Variants in PDE8A observed in about 807,000 individuals in gnomAD.
PDE8A encodes the protein high affinity cAMP-specific and IBMX-insensitive 3',5'-cyclic phosphodiesterase 8A.
In PDE8A, 59 loss-of-function variants were observed where a neutral mutation model predicts 105.0. The ratio of observed to expected loss-of-function variants is 0.56; its 90% CI spans 0.46 to 0.70. The LOEUF is 0.70. Among genes scored for constraint, PDE8A ranks in the 30% least tolerant of loss-of-function variants. The pLI is 0.00. For synonymous variants in PDE8A, 355 were observed against 371.9 expected (o/e 0.95, Z 0.52); for missense variants, 1,014 against 1,045.9 (o/e 0.97, Z 0.42).
intron 1 of PDE8A, among the ~76,000 whole-genome samples, chr15:85,008,135 G>A (rs1458640376): frequency 6.6e-6 from 1 of 151,940 alleles, no homozygotes; most frequent in Non-Finnish European, 1.5e-5. Context: ...GAGTGACAGT[G>A]GGAGAGTCAG....
chr15:85,126,122 A>G (rs1420090712), intron 19 of PDE8A, 85 bp from the exon 20 acceptor site: 4 of 901,866 alleles, frequency 4.4e-6, no homozygotes, highest in Non-Finnish European at 6.7e-6. Context: ...TGCTCTTTTT[A>G]TGCTTACAGT....
At position 85,077,024 on chromosome 15, in the gene PDE8A, T is replaced by TA. The variant is rs201067101; in HGVS notation, c.546+247dup. ...AAGGAGAACCTGCCTCAATCGTACT[T>TA]AAAAAAAAAATTACTGTCCTTGTTT... On this transcript the variant is annotated intron_variant, in intron 5 of 21. Coordinates refer to ENST00000394553, the MANE Select transcript of PDE8A (RefSeq NM_002605.3). 3.8e-3 allele frequency among the ~76,000 whole-genome samples: 572 copies of TA among 150,176 alleles called. 2 individuals are homozygous for TA. Among genetic ancestry groups the TA allele is most frequent in the Non-Finnish European group, 4.4e-3 (295 of 67,328 alleles).
At chr15:85,021,190 C>T (rs2080420482) in intron 1 of PDE8A, among the ~76,000 whole-genome samples, 1 of 152,144 alleles carries the variant, frequency 6.6e-6, no homozygotes, top group Non-Finnish European at 1.5e-5. Context: ...TAGGCCCTCA[C>T]CAGACACTGA....
At position 85,136,625 on chromosome 15, in the gene PDE8A, T is replaced by C. The variant is rs375929785; in HGVS notation, c.2345T>C (p.Ile782Thr). 60 of 1,613,938 alleles carry C rather than the reference T, an allele frequency of 3.7e-5. No individual in the cohort carries two copies. The East Asian group carries it at 4.7e-4, about 13-fold the overall frequency. The change falls in exon 21 of 22, where the codon ATT (isoleucine) becomes ACT (threonine). Residue 782 changes from isoleucine (I) to threonine (T), a missense_variant. Ile to Thr is a moderately conservative substitution (Grantham distance 89). Transcript: ENST00000394553. ...ATCCCCAAATCCCAAATCTCTTTCA[T>C]TGATTACTTCATCACAGACATGTTT... ...CSIPKSQISF[I>T]DYFITDMFDA...
intron 1 of PDE8A, among the ~76,000 whole-genome samples, chr15:85,021,117 T>C (rs2080418806): frequency 6.6e-6 from 1 of 152,094 alleles, no homozygotes; most frequent in African/African-American, 2.4e-5. Context: ...AAAAAGAAGA[T>C]TGAGGGAGCT....
chr15:85,084,593 G>A (rs2081520060), intron 6 of PDE8A, among the ~76,000 whole-genome samples: 1 of 152,142 alleles, frequency 6.6e-6, no homozygotes, highest in Admixed American at 6.5e-5. Flanking sequence ...CTCTCTCAGA[G>A]GAGAGTAGAA....
At chr15:85,012,800 G>C (rs1385152596) in intron 1 of PDE8A, among the ~76,000 whole-genome samples, 2 of 152,044 alleles carry the variant, frequency 1.3e-5, no homozygotes, top group African/African-American at 4.8e-5. Context: ...AATTTATTTG[G>C]AAATTAATTT....
At chr15:85,027,207 G>T (rs2080532231) in intron 1 of PDE8A, among the ~76,000 whole-genome samples, 1 of 152,168 alleles carries the variant, frequency 6.6e-6, no homozygotes, top group African/African-American at 2.4e-5. Flanking sequence ...ATGGGCTGTG[G>T]TCTGGGCCAG....
intron 11 of PDE8A, among the ~76,000 whole-genome samples, chr15:85,107,675 T>C (rs2141586035): frequency 6.6e-6 from 1 of 152,198 alleles, no homozygotes; most frequent in East Asian, 1.9e-4. Context: ...AAGAGCAGAT[T>C]TGGAGAAAGA....
intron 11 of PDE8A, among the ~76,000 whole-genome samples, chr15:85,103,669 A>G (rs182142249): frequency 3.9e-5 from 6 of 152,346 alleles, no homozygotes; most frequent in Non-Finnish European, 8.8e-5. Flanking sequence ...GGAAGCAAGA[A>G]CCTGGGGAAG....
intron 1 of PDE8A, among the ~76,000 whole-genome samples, chr15:85,057,282 G>A (rs750781011): frequency 2.0e-5 from 3 of 152,212 alleles, no homozygotes; most frequent in Non-Finnish European, 2.9e-5. Context: ...GAGGCAGACT[G>A]TCTGTTCTCA....
At chr15:85,061,382 C>G (rs1235924340) in intron 1 of PDE8A, among the ~76,000 whole-genome samples, 1 of 151,850 alleles carries the variant, frequency 6.6e-6, no homozygotes, top group Non-Finnish European at 1.5e-5. Flanking sequence ...TACAGGCACC[C>G]GCCACCACAC....
chr15:85,008,824 CAT>C (rs1264825058), intron 1 of PDE8A, among the ~76,000 whole-genome samples: 2 of 152,132 alleles, frequency 1.3e-5, no homozygotes, highest in Non-Finnish European at 2.9e-5. Flanking sequence ...CTCGCTAAGG[CAT>C]AGTCTGCCAA....
intron 1 of PDE8A, 27 bp from the exon 2 acceptor site, chr15:85,064,343 A>G (rs1334965560): frequency 1.3e-6 from 2 of 1,573,964 alleles, no homozygotes; most frequent in Non-Finnish European, 8.7e-7. Flanking sequence ...TTGTCTTTTC[A>G]TTTTTAAGCC....
At chr15:85,021,680 C>T (rs903223305) in intron 1 of PDE8A, among the ~76,000 whole-genome samples, 8 of 152,182 alleles carry the variant, frequency 5.3e-5, no homozygotes, top group African/African-American at 1.9e-4. Flanking sequence ...CAGGATCACA[C>T]ATTAAATTAT....
chr15:85,112,450 A>G (rs1037099294), intron 12 of PDE8A, among the ~76,000 whole-genome samples: 4 of 152,226 alleles, frequency 2.6e-5, no homozygotes, highest in Admixed American at 6.5e-5. Context: ...TGACAGTGAT[A>G]AAATAGGAGT....
rs2080248035 is a variant in PDE8A, at chr15:85,012,030, T to C, written c.186+29682T>C. Among the ~76,000 whole-genome samples, 3 of 152,282 alleles carry C rather than the reference T, an allele frequency of 2.0e-5. No homozygotes were observed. In the South Asian group the frequency reaches 6.2e-4, roughly 32 times the overall value. ...CTCACACCAGTTAGAAAGGCAATCATTAAAAAGTCAGGAAACAGCAGGTGC... is the reference window on the plus strand; with the variant it reads ...CTCACACCAGTTAGAAAGGCAATCACTAAAAAGTCAGGAAACAGCAGGTGC... On this transcript the variant is annotated intron_variant, in intron 1 of 21. Coordinates refer to ENST00000394553, the MANE Select transcript of PDE8A (RefSeq NM_002605.3).
intron 1 of PDE8A, among the ~76,000 whole-genome samples, chr15:84,992,709 A>G (rs1246984464): frequency 6.6e-6 from 1 of 152,184 alleles, no homozygotes; most frequent in Non-Finnish European, 1.5e-5. Flanking sequence ...CTGACTAGTG[A>G]CAAATTGGAC....
intron 3 of PDE8A, among the ~76,000 whole-genome samples, chr15:85,074,825 C>T (rs1188569056): frequency 6.6e-6 from 1 of 152,234 alleles, no homozygotes; most frequent in African/African-American, 2.4e-5. Context: ...CTTGAACTAA[C>T]AGCTGAAGCA....
Sources: allele counts gnomAD v4.1 joint callset (sites outside exome capture counted in the v4.1 genomes callset), GRCh38; gene constraint gnomAD v4.1.1; transcripts MANE v1.5; gene names NCBI Gene and HGNC (gene_info 2026-07-23, HGNC 2026-07-21).